The following DCAF1 variants were observed in gnomAD, a reference collection of about 807,000 sequenced individuals.
DCAF1 encodes DDB1 and CUL4 associated factor 1, also known as DDB1- and CUL4-associated factor 1.
A neutral mutation model predicts 128.0 loss-of-function variants in DCAF1; 15 were observed. The observed-to-expected ratio is 0.12, with a 90% CI of 0.08 to 0.18. The LOEUF (loss-of-function observed/expected upper bound fraction) is 0.18, where lower values mean the gene tolerates loss of function less well. Among genes scored for constraint, DCAF1 ranks in the 10% least tolerant of loss-of-function variants. DCAF1 has a pLI of 1.00. For synonymous variants in DCAF1, 610 were observed against 603.0 expected, an observed-to-expected ratio of 1.01 and a Z score of -0.17; for missense variants, 988 against 1,649.5, an observed-to-expected ratio of 0.60 and a Z score of 6.95.
chr3:51,474,946 G>T (rs1423550324), intron 3 of DCAF1, among the ~76,000 whole-genome samples: 1 of 151,742 alleles, frequency 6.6e-6, no homozygotes, highest in East Asian at 1.9e-4. Flanking sequence ...CACCATGCCC[G>T]GCTAACTTTT....
chr3:51,400,942 C>T (rs1047854801), intron 24 of DCAF1, among the ~76,000 whole-genome samples: 63 of 152,102 alleles, frequency 4.1e-4, no homozygotes, highest in African/African-American at 1.2e-3. Flanking sequence ...ACCATCCTGG[C>T]TAACACGGTG....
upstream of DCAF1, among the ~76,000 whole-genome samples, chr3:51,500,201 C>T (rs1320155241): frequency 1.4e-5 from 2 of 140,770 alleles, no homozygotes; most frequent in Non-Finnish European, 3.0e-5. Flanking sequence ...CGTCTAGGGG[C>T]GGGCCCACCA....
chr3:51,454,217 T>C (rs1702646561), intron 6 of DCAF1, among the ~76,000 whole-genome samples: 1 of 152,070 alleles, frequency 6.6e-6, no homozygotes, highest in Admixed American at 6.6e-5. Flanking sequence ...TAATGATTTA[T>C]TTTTGTAGAG....
chr3:51,429,889 G>GA, intron 11 of DCAF1, 144 bp downstream of exon 11: 26 of 582,512 alleles, frequency 4.5e-5, no homozygotes, highest in Admixed American at 1.3e-4. Context: ...GTGAAGAAAG[G>GA]GAAAAAAAAA....
chr3:51,428,707 C>CAAAG (rs372247529), intron 12 of DCAF1, among the ~76,000 whole-genome samples: 157 of 152,144 alleles, frequency 1.0e-3, no homozygotes, highest in African/African-American at 3.7e-3. Flanking sequence ...TACAAAAAAG[C>CAAAG]TCTTTGCCAG....
chr3:51,470,241 GAGA>G (rs1553648006), intron 4 of DCAF1, among the ~76,000 whole-genome samples: 1 of 152,004 alleles, frequency 6.6e-6, no homozygotes, highest in Non-Finnish European at 1.5e-5. Context: ...TGAAGGCACA[GAGA>G]AGAACACCTT....
chr3:51,484,832 G>A (rs375667121), intron 2 of DCAF1, among the ~76,000 whole-genome samples: 142 of 134,688 alleles, frequency 1.1e-3, no homozygotes, highest in African/African-American at 3.7e-3. Context: ...ACAGGCGCCC[G>A]CCACCATGCC....
intron 6 of DCAF1, among the ~76,000 whole-genome samples, chr3:51,447,811 G>A (rs1250479783): frequency 6.6e-6 from 1 of 152,116 alleles, no homozygotes; most frequent in Non-Finnish European, 1.5e-5. Flanking sequence ...AGCCAGGCAT[G>A]GTGGCACACG....
At chr3:51,450,034 A>T (rs1702206870) in intron 6 of DCAF1, among the ~76,000 whole-genome samples, 1 of 152,192 alleles carries the variant, frequency 6.6e-6, no homozygotes, top group Non-Finnish European at 1.5e-5. Context: ...TTCACTAGTA[A>T]ATTCTACGAA....
At chr3:51,402,509 T>C (rs1436730976) in intron 24 of DCAF1, among the ~76,000 whole-genome samples, 1 of 151,276 alleles carries the variant, frequency 6.6e-6, no homozygotes, top group Non-Finnish European at 1.5e-5. Context: ...ATGACTGCTT[T>C]CTCACTACAA....
At position 51,418,803 on chromosome 3, in the gene DCAF1, G is replaced by A; in HGVS notation, c.3310C>T (p.Arg1104Trp). Residue 1104 changes from arginine (R) to tryptophan (W), a missense_variant, in exon 16 of 25, where the codon CGG becomes TGG. By Grantham distance (101) the Arg-to-Trp change is moderately radical (BLOSUM62 -3). Coordinates refer to ENST00000684031, the MANE Select transcript of DCAF1 (RefSeq NM_001387579.1). ...SGFTCCAFSA[R>W]ERFLMLGTCT... ...GTGCCAAGCATCAGGAACCGCTCCC[G>A]TGCTGAGAATGCACAGCAGGTGAAG... 1.2e-6 allele frequency: 2 copies of A among 1,613,952 alleles called. No individual in the cohort carries two copies. Among genetic ancestry groups the A allele is most frequent in the Non-Finnish European group, 1.7e-6 (2 of 1,179,888 alleles).
chr3:51,476,635 T>C (rs1301569386), intron 3 of DCAF1, among the ~76,000 whole-genome samples: 3 of 146,996 alleles, frequency 2.0e-5, no homozygotes, highest in African/African-American at 5.0e-5. Context: ...CCCAGCACTT[T>C]GGGAGGCTGA....
At chr3:51,400,118 C>T (rs1553624411) in intron 24 of DCAF1, among the ~76,000 whole-genome samples, 1 of 152,220 alleles carries the variant, frequency 6.6e-6, no homozygotes, top group Non-Finnish European at 1.5e-5. Flanking sequence ...GTTCCTGGGT[C>T]TAAGTGGGCA....
intron 6 of DCAF1, among the ~76,000 whole-genome samples, chr3:51,451,923 A>G (rs985747073): frequency 6.6e-6 from 1 of 152,218 alleles, no homozygotes; most frequent in Non-Finnish European, 1.5e-5. Context: ...TTGCACAAAG[A>G]GTAAACAGTG....
chr3:51,477,609 A>T (rs1373220885), intron 3 of DCAF1, among the ~76,000 whole-genome samples: 2 of 150,992 alleles, frequency 1.3e-5, no homozygotes, highest in Admixed American at 1.3e-4. Context: ...CCTTGGGGGG[A>T]AAAAAAAACA....
At chr3:51,443,276 T>C (rs1253838746) in intron 7 of DCAF1, among the ~76,000 whole-genome samples, 4 of 152,154 alleles carry the variant, frequency 2.6e-5, no homozygotes, top group African/African-American at 9.7e-5. Context: ...TACAATGTCA[T>C]CATCCTTGAC....
At chr3:51,405,395 C>T (rs1553626279) in intron 23 of DCAF1, among the ~76,000 whole-genome samples, 1 of 152,134 alleles carries the variant, frequency 6.6e-6, no homozygotes, top group East Asian at 1.9e-4. Context: ...GATACCATTC[C>T]AAACTCTTCC....
intron 2 of DCAF1, among the ~76,000 whole-genome samples, chr3:51,489,690 G>A (rs1426023631): frequency 3.9e-5 from 6 of 151,958 alleles, no homozygotes; most frequent in Non-Finnish European, 5.9e-5. Context: ...GGGAGGCTGA[G>A]GCAGGAGAAC....
chr3:51,438,790 T>C (rs868947874), intron 9 of DCAF1, among the ~76,000 whole-genome samples: 22 of 152,220 alleles, frequency 1.4e-4, no homozygotes, highest in Middle Eastern at 3.4e-3. Flanking sequence ...TTTGCATTTT[T>C]AGTAGAGACG....
Sources: allele counts gnomAD v4.1 joint callset (sites outside exome capture counted in the v4.1 genomes callset), GRCh38; gene constraint gnomAD v4.1.1; transcripts MANE v1.5; gene names NCBI Gene and HGNC (gene_info 2026-07-23, HGNC 2026-07-21).